The following SULT4A1 variants were observed in gnomAD, a reference collection of about 807,000 sequenced individuals.
SULT4A1 encodes sulfotransferase 4A1.
A neutral mutation model predicts 35.2 loss-of-function variants in SULT4A1; 11 were observed. That is an observed-to-expected ratio of 0.31 (90% CI 0.20 to 0.52). The LOEUF is 0.52. Among genes scored for constraint, SULT4A1 ranks in the 20% least tolerant of loss-of-function variants. The pLI is 0.97. For synonymous variants in SULT4A1, 152 were observed against 151.8 expected, an observed-to-expected ratio of 1.00 and a Z score of -0.01; for missense variants, 271 against 383.7, an observed-to-expected ratio of 0.71 and a Z score of 2.45.
intron 6 of SULT4A1, chr22:43,827,296 C>T (rs2063294051): frequency 1.0e-6 from 1 of 985,304 alleles, no homozygotes; most frequent in Non-Finnish European, 1.2e-6. Context: ...AACTGCAACC[C>T]TGCAAATGCT....
chr22:43,827,755 CCACACACACA>C (rs3223292), intron 6 of SULT4A1: 7 of 327,550 alleles, frequency 2.1e-5, no homozygotes, highest in Non-Finnish European at 3.6e-5. Context: ...CGCTGCTTCA[CCACACACACA>C]CACACACACA....
rs1423821232 is a variant in SULT4A1 at position 43,841,892 on chromosome 22, C to G, written c.210G>C (p.Gln70His). 1 of 1,613,954 alleles carries G rather than the reference C, an allele frequency of 6.2e-7. No individual in the cohort carries two copies. Among genetic ancestry groups the G allele is most frequent in the Non-Finnish European group, 8.5e-7 (1 of 1,179,880 alleles). ...LLQEVVYLVS[Q>H]GADPDEIGLM... ...AGCCGATCTCATCGGGGTCAGCGCC[C>G]TGGCTCACCAAGTAGACCACCTCCT... The change falls in exon 2 of 7, where the codon CAG becomes CAC. Residue 70 changes from glutamine (Q) to histidine (H), a missense_variant. By Grantham distance (24) the Gln-to-His change is conservative. Transcript: ENST00000330884.
chr22:43,833,864 G>T, intron 4 of SULT4A1, 130 bp from the exon 5 acceptor site: 2 of 765,962 alleles, frequency 2.6e-6, no homozygotes, highest in Non-Finnish European at 4.2e-6. Context: ...GATCCCTGCG[G>T]ACAAGTCTGG....
At chr22:43,828,027 T>C (rs2063300192) in intron 6 of SULT4A1, among the ~76,000 whole-genome samples, 1 of 152,164 alleles carries the variant, frequency 6.6e-6, no homozygotes, top group Admixed American at 6.5e-5. Flanking sequence ...TCAGCCCCTT[T>C]TCAGAGAAGA....
chr22:43,840,198 G>A (rs550406917), intron 2 of SULT4A1, among the ~76,000 whole-genome samples, 173 bp from the exon 3 acceptor site: 2 of 148,580 alleles, frequency 1.3e-5, no homozygotes, highest in African/African-American at 4.9e-5. Flanking sequence ...AGAGCGTCAG[G>A]TAAGAGGGAG....
At chr22:43,842,777 A>G (rs1265753012) in intron 1 of SULT4A1, among the ~76,000 whole-genome samples, 1 of 152,222 alleles carries the variant, frequency 6.6e-6, no homozygotes, top group African/African-American at 2.4e-5. Flanking sequence ...TTACTGATTC[A>G]GAGAAGACAC....
chr22:43,839,054 G>T, intron 3 of SULT4A1, 61 bp from the exon 4 acceptor site: 3 of 1,596,772 alleles, frequency 1.9e-6, no homozygotes, highest in Non-Finnish European at 2.6e-6. Context: ...GGGCTGCCCC[G>T]ACACAGGCCA....
intron 6 of SULT4A1, among the ~76,000 whole-genome samples, chr22:43,828,579 C>T (rs1240186910): frequency 1.3e-5 from 2 of 152,234 alleles, no homozygotes; most frequent in East Asian, 1.9e-4. Context: ...GCTCAGTCAG[C>T]GTCCACTCAG....
chr22:43,828,949 AAGG>A lies in SULT4A1; in HGVS notation c.742+108_742+110del. 7 of 1,241,180 alleles carry A rather than the reference AAGG, an allele frequency of 5.6e-6. No homozygotes were observed. In the South Asian group the frequency reaches 1.1e-4, roughly 20 times the overall value. The allele number at this position is 1,241,180 out of a possible 1,614,324, so 76.9% of individuals were successfully genotyped here. ...ATGGGCCAGCTACAGACTGCTGTAAAAGGAGAGCAGGGAGGGCAACAGGGACCG... is the reference window on the plus strand; with the variant it reads ...ATGGGCCAGCTACAGACTGCTGTAAAAGAGCAGGGAGGGCAACAGGGACCG... On this transcript the variant is annotated intron_variant, in intron 6 of 6. Transcript: ENST00000330884.
chr22:43,829,293 C>G (rs2063309377), intron 5 of SULT4A1, 95 bp from the exon 6 acceptor site: 1 of 1,337,910 alleles, frequency 7.5e-7, no homozygotes, highest in Non-Finnish European at 9.9e-7. Context: ...GGACTTTTTA[C>G]ACACGGCCTT....
chr22:43,841,242 C>A (rs1029439380), intron 2 of SULT4A1, among the ~76,000 whole-genome samples: 9 of 152,124 alleles, frequency 5.9e-5, no homozygotes, highest in African/African-American at 2.2e-4. Flanking sequence ...CAGAGCATGA[C>A]ACAGGGTGGG....
Position 43,862,258 on chromosome 22 carries a change from G to C in SULT4A1, c.125C>G (p.Pro42Arg). The C allele has an allele frequency of 6.4e-7, 1 of 1,568,814 alleles. No homozygotes were observed. Among genetic ancestry groups the C allele is most frequent in the Non-Finnish European group, 8.6e-7 (1 of 1,156,848 alleles). The change falls in exon 1 of 7, where the codon CCG becomes CGG. Residue 42 changes from proline to arginine, a missense_variant. Physicochemically the swap from Pro to Arg is moderately radical, Grantham distance 103. Transcript: ENST00000330884. ...RGKMEEIANF[P>R]VRPSDVWIVT... ...GATCCACACGTCGCTGGGCCGCACC[G>C]GGAAGTTGGCGATCTCCTCCATCTT...
At chr22:43,860,221 G>A (rs990670423) in intron 1 of SULT4A1, among the ~76,000 whole-genome samples, 8 of 152,188 alleles carry the variant, frequency 5.3e-5, no homozygotes, top group African/African-American at 1.2e-4. Context: ...GCCATGGCAG[G>A]TGAATGGGGC....
chr22:43,849,457 C>T (rs892891987), intron 1 of SULT4A1, among the ~76,000 whole-genome samples: 8 of 152,162 alleles, frequency 5.3e-5, no homozygotes, highest in African/African-American at 1.7e-4. Flanking sequence ...CTTATAAAAA[C>T]CCCAGAATTC....
chr22:43,842,184 A>T (rs971802987), intron 1 of SULT4A1, among the ~76,000 whole-genome samples: 1 of 152,294 alleles, frequency 6.6e-6, no homozygotes, highest in Admixed American at 6.5e-5. Context: ...AACAGAACAG[A>T]ACAGAACCCA....
chr22:43,829,951 G>T (rs1258963222), intron 5 of SULT4A1, among the ~76,000 whole-genome samples: 1 of 152,216 alleles, frequency 6.6e-6, no homozygotes, highest in Non-Finnish European at 1.5e-5. Context: ...GTGAAAAGAT[G>T]ATTTAATTTC....
At chr22:43,827,778 C>CACACACACAT (rs1388833108) in intron 6 of SULT4A1, 1 of 442,532 alleles carries the variant, frequency 2.3e-6, no homozygotes, top group Non-Finnish European at 4.1e-6. Flanking sequence ...CACACACACA[C>CACACACACAT]ACACGTGAAC....
intron 1 of SULT4A1, among the ~76,000 whole-genome samples, chr22:43,843,854 A>T (rs905807008): frequency 6.6e-6 from 1 of 152,238 alleles, no homozygotes; most frequent in African/African-American, 2.4e-5. Flanking sequence ...AAATTAGTCA[A>T]ACGTGGGCAG....
chr22:43,847,310 T>C (rs1437474403), intron 1 of SULT4A1, among the ~76,000 whole-genome samples: 1 of 152,168 alleles, frequency 6.6e-6, no homozygotes, highest in Non-Finnish European at 1.5e-5. Context: ...CATTATACTA[T>C]CTGGTCACTT....
Sources: gnomAD v4.1 joint callset for allele counts (sites outside exome capture counted in the v4.1 genomes callset) on GRCh38, gnomAD v4.1.1 for gene constraint, MANE v1.5 for transcripts, NCBI Gene and HGNC (gene_info 2026-07-23, HGNC 2026-07-21) for gene names.